Variants in NHP2 observed in about 807,000 individuals in gnomAD.
NHP2 encodes NHP2 ribonucleoprotein.
NHP2 carries 10 observed loss-of-function variants against 16.7 expected under a neutral mutation model. The observed-to-expected ratio is 0.60, with a 90% CI of 0.37 to 1.01. The LOEUF (loss-of-function observed/expected upper bound fraction) is 1.01. NHP2 is among the 50% of genes least tolerant of loss of function. NHP2 has a pLI of 0.01. For synonymous variants in NHP2, 87 were observed against 78.9 expected, an observed-to-expected ratio of 1.10 and a Z score of -0.54; for missense variants, 184 against 198.3, an observed-to-expected ratio of 0.93 and a Z score of 0.43.
chr5:178,153,410 C>T lies in NHP2; in HGVS notation c.230+81G>A, dbSNP rs73804718. On this transcript the variant is annotated intron_variant, in intron 2 of 3. Coordinates refer to ENST00000274606, the MANE Select transcript of NHP2 (RefSeq NM_017838.4). ...TATATGGGGCTAGGTCAGAGTTAACCTTTTTACTGCGCGCCTACTAAGTAG... is the reference window on the plus strand; with the variant it reads ...TATATGGGGCTAGGTCAGAGTTAACTTTTTTACTGCGCGCCTACTAAGTAG... 1,907 of 1,474,920 alleles carry T rather than the reference C, an allele frequency of 1.3e-3. 17 individuals carry two copies. In the African/African-American group the frequency reaches 0.024, roughly 18 times the overall value. 91.4% of individuals were successfully genotyped at this position (1,474,920 alleles called of 1,614,324 possible).
rs752392516 is a variant in NHP2, at chr5:178,149,811, G to T, written c.364C>A (p.Arg122Ser). 7 of 1,613,680 alleles carry T rather than the reference G, an allele frequency of 4.3e-6. No homozygotes were observed. The highest frequency in any genetic ancestry group is 5.1e-6 in the Non-Finnish European group (6 of 1,179,800). Residue 122 changes from arginine (R) to serine (S), a missense_variant, in exon 4 of 4, where the codon CGC (arginine) becomes AGC (serine). Coordinates refer to ENST00000274606, the MANE Select transcript of NHP2 (RefSeq NM_017838.4). ...TDLGAAAGSKRPTCVIMVKPH... is the reference protein window; with the variant it reads ...TDLGAAAGSKSPTCVIMVKPH... ...TTGACCATTATCACACAGGTGGGGC[G>T]CTTGGAGCCTGCGGCTGCACCCAGG... is the stretch of plus-strand genomic sequence containing the variant.
At chr5:178,153,626 A>G in intron 1 of NHP2, 32 bp downstream of exon 1, 1 of 1,613,548 alleles carries the variant, frequency 6.2e-7, no homozygotes, top group Non-Finnish European at 8.5e-7. Context: ...CCACCCGCGC[A>G]CCCATCCCGG....
At chr5:178,153,335 G>T in intron 2 of NHP2, 156 bp downstream of exon 2, 2 of 748,464 alleles carry the variant, frequency 2.7e-6, no homozygotes, top group South Asian at 2.9e-5. Flanking sequence ...CGGTATTGTC[G>T]TACCGGTATT....
At chr5:178,151,043 C>G in intron 2 of NHP2, 50 bp from the exon 3 acceptor site, 1 of 1,495,328 alleles carries the variant, frequency 6.7e-7, no homozygotes, top group Non-Finnish European at 9.3e-7. Flanking sequence ...TTCCTTCTTT[C>G]AGTTTTAAGT....
chr5:178,149,626 A>G lies in NHP2; in HGVS notation c.*87T>C, dbSNP rs991555957. On this transcript the variant is annotated 3_prime_UTR_variant, in exon 4 of 4. Transcript: ENST00000274606. ...CTTGGGGAACTGGGAAGATGCCGTC[A>G]GTGTGGGTGGGCAGGAGGACAGCCA... is the stretch of plus-strand genomic sequence containing the variant. 53 of 1,569,700 alleles carry G rather than the reference A, an allele frequency of 3.4e-5. No homozygotes were observed. Among genetic ancestry groups the G allele is most frequent in the Non-Finnish European group, 4.6e-5 (53 of 1,146,870 alleles).
chr5:178,152,647 G>C (rs1037607334), intron 2 of NHP2, among the ~76,000 whole-genome samples: 2 of 152,356 alleles, frequency 1.3e-5, no homozygotes, highest in African/African-American at 4.8e-5. Flanking sequence ...ATTAAGAAAA[G>C]TGGGGTGATG....
Position 178,149,764 on chromosome 5 carries a change from C to G in NHP2, c.411G>C (p.Glu137Asp). ...IMVKPHEEYQ[E>D]AYDECLEEVQ... ...CCTCCTCCAGGCACTCATCGTAAGCCTCCTGGTACTCCTCATGGGGCTTGA... is the reference window on the plus strand; with the variant it reads ...CCTCCTCCAGGCACTCATCGTAAGCGTCCTGGTACTCCTCATGGGGCTTGA... Residue 137 changes from glutamate to aspartate, a missense_variant, in exon 4 of 4, where the codon GAG becomes GAC. Transcript: ENST00000274606. 1 of 1,614,114 alleles carries G rather than the reference C, an allele frequency of 6.2e-7. No individual in the cohort carries two copies. Among genetic ancestry groups the G allele is most frequent in the Non-Finnish European group, 8.5e-7 (1 of 1,179,992 alleles).
chr5:178,153,423 G>A (rs973213790), intron 2 of NHP2, 68 bp downstream of exon 2: 11 of 1,520,444 alleles, frequency 7.2e-6, no homozygotes, highest in East Asian at 2.3e-5. Context: ...TTTACTGCGC[G>A]CCTACTAAGT....
At chr5:178,150,085 G>A (rs745642249) in intron 3 of NHP2, 57 of 404,388 alleles carry the variant, frequency 1.4e-4, no homozygotes, top group Non-Finnish European at 2.4e-4. Context: ...CCCAGCAGGG[G>A]CTGTCCCGGT....
chr5:178,150,827 A>G (rs760127389), intron 3 of NHP2, 61 bp downstream of exon 3: 3 of 1,075,832 alleles, frequency 2.8e-6, no homozygotes, highest in Non-Finnish European at 4.4e-6. Context: ...CTCTCCTGCT[A>G]TGGCAGACTA....
chr5:178,149,728 C>G lies in NHP2; in HGVS notation c.447G>C (p.Leu149=), dbSNP rs754228756. ...CCGGAGCCCCTCATAGGGGTAGGGG[C>G]AGGGACTGCACCTCCTCCAGGCACT... ...YDECLEEVQS[L]PLPL Residue 149 remains leucine, a synonymous_variant, in exon 4 of 4, where the codon CTG becomes CTC. Coordinates refer to ENST00000274606, the MANE Select transcript of NHP2 (RefSeq NM_017838.4). The G allele has an allele frequency of 1.9e-6, 3 of 1,613,846 alleles. No homozygotes were observed. Among genetic ancestry groups the G allele is most frequent in the Admixed American group, 1.7e-5 (1 of 60,010 alleles).
At chr5:178,150,781 C>G (rs1166358464) in intron 3 of NHP2, 107 bp downstream of exon 3, 2 of 805,124 alleles carry the variant, frequency 2.5e-6, no homozygotes, top group Non-Finnish European at 4.5e-6. Context: ...CCATCCAGGC[C>G]TGTCTTAGCT....
chr5:178,150,787 T>TA, intron 3 of NHP2, 101 bp downstream of exon 3: 1 of 823,908 alleles, frequency 1.2e-6, no homozygotes, highest in Non-Finnish European at 2.2e-6. Context: ...AGGCCTGTCT[T>TA]AGCTCCAACA....
rs372641598 is a variant in NHP2 at position 178,149,689 on chromosome 5, G to A, written c.*24C>T. On this transcript the variant is annotated 3_prime_UTR_variant, in exon 4 of 4. Transcript: ENST00000274606. ...CCAGCCCAATAGCTTCCAGCGGCAG[G>A]TGCCCAGGTGCTACCGGAGCCCCTC... 3 of 1,612,146 alleles carry A rather than the reference G, an allele frequency of 1.9e-6. No homozygotes were observed. The highest frequency in any genetic ancestry group is 2.5e-6 in the Non-Finnish European group (3 of 1,179,788).
chr5:178,150,043 A>C, intron 3 of NHP2: 1 of 507,782 alleles, frequency 2.0e-6, no homozygotes. Flanking sequence ...CAGGGCCTAC[A>C]TTCCCACATG....
chr5:178,149,832 C>G lies in NHP2; in HGVS notation c.343G>C (p.Gly115Arg). The G allele has an allele frequency of 6.2e-7, 1 of 1,613,674 alleles. No homozygotes were observed. The part of the protein sequence containing the change: ...YVYIPSKTDL[G>R]AAAGSKRPTC... ...GGGCGCTTGGAGCCTGCGGCTGCAC[C>G]CAGGTCCTACAGAGGGGAAAGAAGT... The change falls in exon 4 of 4, where the codon GGT (glycine) becomes CGT (arginine). Residue 115 changes from glycine to arginine, a missense_variant. Gly to Arg is a moderately radical substitution (Grantham distance 125). Coordinates refer to ENST00000274606, the MANE Select transcript of NHP2 (RefSeq NM_017838.4).
At chr5:178,153,210 C>A in intron 2 of NHP2, 1 of 508,374 alleles carries the variant, frequency 2.0e-6, no homozygotes, top group Non-Finnish European at 3.6e-6. Flanking sequence ...AGGCAAGGAG[C>A]GGAGCCCGGG....
Position 178,150,921 on chromosome 5 carries a change from T to C in NHP2, c.303A>G (p.Arg101=), listed in dbSNP as rs139049453. Residue 101 remains arginine (R), a synonymous_variant, in exon 3 of 4, where the codon CGA becomes CGG. Transcript: ENST00000274606. ...AGGGGATATAGACATAGGGCAAATT[T>C]CGGTCCTCACACATGACTGGGAGAT... ...YCHLPVMCED[R]NLPYVYIPSK... 1.2e-5 allele frequency: 20 copies of C among 1,613,932 alleles called. No individual in the cohort carries two copies. The highest frequency in any genetic ancestry group is 1.7e-5 in the Admixed American group (1 of 59,992).
chr5:178,153,117 T>C (rs1428970248), intron 2 of NHP2: 6 of 363,280 alleles, frequency 1.7e-5, no homozygotes, highest in Middle Eastern at 9.2e-4. Flanking sequence ...GTTCAGTTCC[T>C]TAAATACAGA....
Sources: allele counts gnomAD v4.1 joint callset (sites outside exome capture counted in the v4.1 genomes callset), GRCh38; gene constraint gnomAD v4.1.1; transcripts MANE v1.5; gene names NCBI Gene and HGNC (gene_info 2026-07-23, HGNC 2026-07-21).